The following TMPO variants were observed in gnomAD, a reference collection of about 807,000 sequenced individuals.
The protein encoded by TMPO is thymopoietin.
TMPO carries 22 observed loss-of-function variants against 45.4 expected under a neutral mutation model. The observed-to-expected ratio is 0.48, with a 90% CI of 0.35 to 0.69. TMPO has a LOEUF of 0.69. Among genes scored for constraint, TMPO ranks in the 30% least tolerant of loss-of-function variants. TMPO has a pLI of 0.01. For synonymous variants in TMPO, 241 were observed against 204.1 expected, an observed-to-expected ratio of 1.18 and a Z score of -1.54; for missense variants, 512 against 548.8, an observed-to-expected ratio of 0.93 and a Z score of 0.67.
chr12:98,532,660 A>G (rs760005958), intron 3 of TMPO, among the ~76,000 whole-genome samples: 27 of 152,206 alleles, frequency 1.8e-4, no homozygotes, highest in Admixed American at 3.9e-4. Context: ...GATTGTTTAT[A>G]TCTCAATAAG....
Position 98,544,345 on chromosome 12 carries a change from A to G in TMPO, c.779A>G (p.Lys260Arg). The change falls in exon 5 of 9, where the codon AAA becomes AGA. Residue 260 changes from lysine to arginine, a missense_variant. Transcript: ENST00000556029. ...STRGSRRTPRKRVETSEHFRI... is the reference protein window; with the variant it reads ...STRGSRRTPRRRVETSEHFRI... The stretch of plus-strand genomic sequence containing the variant: ...AGAGGGTCAAGAAGAACTCCAAGGA[A>G]AAGGGTGATGCAAGGCTTATTCCTT... The G allele has an allele frequency of 3.7e-6, 6 of 1,613,980 alleles. No homozygotes were observed. Among genetic ancestry groups the G allele is most frequent in the Non-Finnish European group, 5.1e-6 (6 of 1,179,888 alleles).
chr12:98,548,488 C>T lies in TMPO; in HGVS notation c.*630C>T, dbSNP rs1878352846. On this transcript the variant is annotated 3_prime_UTR_variant, in exon 9 of 9. Transcript: ENST00000556029. Reference sequence around the variant, plus strand: ...ATGAAAGTCCTATTTCAGTAAGACCCATTTACATACAGTAGATTTTTAGCA... The same window carrying T: ...ATGAAAGTCCTATTTCAGTAAGACCTATTTACATACAGTAGATTTTTAGCA... 6.6e-6 allele frequency: 1 copy of T among 152,512 alleles called. No homozygotes were observed. The allele number at this position is 152,512 out of a possible 1,614,324, so 9.4% of individuals were successfully genotyped here.
At chr12:98,539,469 T>A (rs549011266) in intron 4 of TMPO, among the ~76,000 whole-genome samples, 2 of 133,854 alleles carry the variant, frequency 1.5e-5, no homozygotes, top group African/African-American at 5.7e-5. Context: ...CTTTTTAAAT[T>A]ACTTTTTTTT....
chr12:98,541,039 C>G (rs1877886553), intron 4 of TMPO, among the ~76,000 whole-genome samples: 1 of 151,026 alleles, frequency 6.6e-6, no homozygotes, highest in Non-Finnish European at 1.5e-5. Context: ...TTACAGTCAT[C>G]ATTCTTTTTT....
At position 98,547,747 on chromosome 12, in the gene TMPO, G is replaced by A. The variant is rs757741197; in HGVS notation, c.1254G>A (p.Leu418=). Reference sequence around the variant, plus strand: ...CCATTCCCGTATGGATAAAAATTTTGCTGTTTGTTGTTGTGGCAGTTTTTT... The same window carrying A: ...CCATTCCCGTATGGATAAAAATTTTACTGTTTGTTGTTGTGGCAGTTTTTT... ...GRSIPVWIKI[L]LFVVVAVFLF... Residue 418 remains leucine, a synonymous_variant, in exon 9 of 9, where the codon TTG becomes TTA. Transcript: ENST00000556029. 6.2e-7 allele frequency: 1 copy of A among 1,614,148 alleles called. No individual in the cohort carries two copies. Among genetic ancestry groups the A allele is most frequent in the Non-Finnish European group, 8.5e-7 (1 of 1,180,012 alleles).
intron 3 of TMPO, among the ~76,000 whole-genome samples, chr12:98,535,837 A>G (rs1877532875): frequency 6.6e-6 from 1 of 152,194 alleles, no homozygotes; most frequent in South Asian, 2.1e-4. Context: ...GTTGGAATCT[A>G]AATTTATAAG....
At chr12:98,532,701 A>G in intron 3 of TMPO, 1 of 1,421,602 alleles carries the variant, frequency 7.0e-7, no homozygotes, top group Non-Finnish European at 9.7e-7. Flanking sequence ...CTGGCAGATT[A>G]GTTCAGAATA....
At chr12:98,542,134 C>T (rs950843952) in intron 4 of TMPO, among the ~76,000 whole-genome samples, 10 of 152,074 alleles carry the variant, frequency 6.6e-5, no homozygotes, top group African/African-American at 2.2e-4. Flanking sequence ...ATATTTTTTG[C>T]CAGTTTATCT....
Position 98,527,760 on chromosome 12 carries a change from T to G in TMPO, c.280-126T>G, listed in dbSNP as rs148671708. The G allele has an allele frequency of 1.3e-3, 1,369 of 1,014,438 alleles. 16 individuals are homozygous for G. In the African/African-American group the frequency reaches 0.02, roughly 15 times the overall value. The allele number at this position is 1,014,438 out of a possible 1,614,324, so 62.8% of individuals were successfully genotyped here. Reference sequence around the variant, plus strand: ...TGAGTTGCTCTTAATTTAATGGAATTGCTAAGGCCTAATATTACTATAAAC... The same window carrying G: ...TGAGTTGCTCTTAATTTAATGGAATGGCTAAGGCCTAATATTACTATAAAC... On this transcript the variant is annotated intron_variant, in intron 1 of 8. Transcript: ENST00000556029.
At chr12:98,535,474 TTA>T in intron 3 of TMPO, 2 of 985,368 alleles carry the variant, frequency 2.0e-6, no homozygotes, top group Non-Finnish European at 2.4e-6. Flanking sequence ...CATTCTTAGA[TTA>T]TATGTGTCCA....
At chr12:98,539,796 T>A (rs1025209553) in intron 4 of TMPO, among the ~76,000 whole-genome samples, 1 of 152,240 alleles carries the variant, frequency 6.6e-6, no homozygotes, top group African/African-American at 2.4e-5. Context: ...TGATTTTTTT[T>A]ATTTTGCTTT....
chr12:98,520,530 C>T (rs779680556), intron 1 of TMPO, among the ~76,000 whole-genome samples: 6 of 151,990 alleles, frequency 3.9e-5, no homozygotes, highest in Non-Finnish European at 7.4e-5. Flanking sequence ...TGGTCTCGAA[C>T]TCCTGACCTC....
chr12:98,541,168 C>T (rs1419334280), intron 4 of TMPO, among the ~76,000 whole-genome samples: 1 of 152,108 alleles, frequency 6.6e-6, no homozygotes, highest in Non-Finnish European at 1.5e-5. Flanking sequence ...GTAAGACGTC[C>T]CAGGCTCATG....
chr12:98,544,100 G>A (rs1415032868), intron 4 of TMPO, 130 bp from the exon 5 acceptor site: 12 of 985,952 alleles, frequency 1.2e-5, no homozygotes, highest in East Asian at 2.7e-5. Context: ...ATATTTTGAG[G>A]ACATAGCCTT....
At chr12:98,520,335 CTCTG>C (rs910466239) in intron 1 of TMPO, among the ~76,000 whole-genome samples, 1 of 129,264 alleles carries the variant, frequency 7.7e-6, no homozygotes, top group Admixed American at 7.6e-5. Context: ...TGGAGTCTCA[CTCTG>C]TCACCCAGGC....
chr12:98,528,893 A>C (rs145179212), intron 2 of TMPO, among the ~76,000 whole-genome samples: 3 of 152,054 alleles, frequency 2.0e-5, no homozygotes, highest in African/African-American at 7.2e-5. Context: ...GGTGGGGGGA[A>C]GTCAAAGTTG....
rs779869644 is a variant in TMPO at position 98,533,098 on chromosome 12, A to C, written c.565+1260A>C. ...TGAAAGGAATTTGTTTATTTCATGC[A>C]AGTCTAGCCATGATAGGTGTTTAGA... On this transcript the variant is annotated intron_variant, in intron 3 of 8. Coordinates refer to ENST00000556029, the MANE Select transcript of TMPO (RefSeq NM_001032283.3). The C allele has an allele frequency of 6.2e-6, 10 of 1,614,038 alleles. No homozygotes were observed. Among genetic ancestry groups the C allele is most frequent in the Non-Finnish European group, 8.5e-6 (10 of 1,179,924 alleles).
chr12:98,531,551 T>G, intron 2 of TMPO, 129 bp from the exon 3 acceptor site: 1 of 1,020,082 alleles, frequency 9.8e-7, no homozygotes, highest in Non-Finnish European at 1.5e-6. Flanking sequence ...TATGGTATTT[T>G]TTTTTTTAAG....
In TMPO at chr12:98,533,294, A is replaced by G. The variant is rs561767716; in HGVS notation, c.565+1456A>G. The G allele has an allele frequency of 6.2e-7, 1 of 1,614,102 alleles. No individual in the cohort carries two copies. The highest frequency in any genetic ancestry group is 1.3e-5 in the African/African-American group (1 of 75,060). ...CAACCATTATGTCCTGAGAGGTCCC[A>G]TATTTCAGATCAATCGCCTCTCTCC... On this transcript the variant is annotated intron_variant, in intron 3 of 8. Transcript: ENST00000556029.
Sources: gnomAD v4.1 joint callset for allele counts (sites outside exome capture counted in the v4.1 genomes callset) on GRCh38, gnomAD v4.1.1 for gene constraint, MANE v1.5 for transcripts, NCBI Gene and HGNC (gene_info 2026-07-23, HGNC 2026-07-21) for gene names.